Variants in BCAS3 observed in about 807,000 individuals in gnomAD.
BCAS3 encodes the protein BCAS3 microtubule associated cell migration factor, also known as BCAS4/BCAS3 fusion.
In BCAS3, 53 loss-of-function variants were observed where a neutral mutation model predicts 116.1. That is an observed-to-expected ratio of 0.46 (90% confidence interval 0.37 to 0.57). BCAS3 has a LOEUF of 0.57. Among genes scored for constraint, BCAS3 ranks in the 20% least tolerant of loss-of-function variants. The pLI, the probability that BCAS3 is intolerant of heterozygous loss-of-function variation, is 0.00. For missense variants in BCAS3, 917 were observed against 1,165.4 expected (o/e 0.79, Z 3.10); for synonymous variants, 391 against 408.2 (o/e 0.96, Z 0.51).
At chr17:61,081,755 C>T (rs2072630243) in intron 21 of BCAS3, among the ~76,000 whole-genome samples, 1 of 152,144 alleles carries the variant, frequency 6.6e-6, no homozygotes, top group African/African-American at 2.4e-5. Flanking sequence ...AATTAGAAAC[C>T]CAACTATTGA....
intron 23 of BCAS3, among the ~76,000 whole-genome samples, chr17:61,386,020 A>G (rs932535404): frequency 6.6e-5 from 10 of 152,238 alleles, no homozygotes; most frequent in African/African-American, 2.4e-4. Flanking sequence ...CCTGTGGATC[A>G]TCACAATGAC....
Position 61,346,962 on chromosome 17 carries a change from T to A in BCAS3, c.2426-21365T>A, listed in dbSNP as rs1257198662. Reference sequence around the variant, plus strand: ...CACTTGGCACCTCTTCTCATGTTGGTCTGAAATATGCCAGATCACTGACCT... The same window carrying A: ...CACTTGGCACCTCTTCTCATGTTGGACTGAAATATGCCAGATCACTGACCT... On this transcript the variant is annotated intron_variant, in intron 22 of 23. Coordinates refer to ENST00000407086, the MANE Select transcript of BCAS3 (RefSeq NM_017679.5). The surrounding 1 kb of genome is among the most constrained non-coding windows in gnomAD (Gnocchi z 5.4). Among the ~76,000 whole-genome samples, 5 of 152,228 alleles carry A rather than the reference T, an allele frequency of 3.3e-5. No individual in the cohort carries two copies. The highest frequency in any genetic ancestry group is 1.5e-5 in the Non-Finnish European group (1 of 68,044).
At chr17:60,756,526 T>C (rs1441153428) in intron 6 of BCAS3, among the ~76,000 whole-genome samples, 3 of 152,216 alleles carry the variant, frequency 2.0e-5, no homozygotes, top group Admixed American at 2.0e-4. Flanking sequence ...ACATGTGACA[T>C]CTGAATTTCT....
intron 22 of BCAS3, among the ~76,000 whole-genome samples, chr17:61,202,059 CTTTTTTT>C (rs35961240): frequency 1.4e-5 from 1 of 70,334 alleles, no homozygotes; most frequent in African/African-American, 5.3e-5. Flanking sequence ...TGCCCGGCCT[CTTTTTTT>C]TTTTTTTTTT....
Position 61,106,369 on chromosome 17 carries a change from T to G in BCAS3, c.2425+21805T>G, listed in dbSNP as rs1427328234. The stretch of plus-strand genomic sequence containing the variant: ...GTTTAGATACACAAATACTGACCAT[T>G]GTGTTACAGTTGCCTACAGTATTCG... On this transcript the variant is annotated intron_variant, in intron 22 of 23. Coordinates refer to ENST00000407086, the MANE Select transcript of BCAS3 (RefSeq NM_017679.5). This position sits in a 1 kb window ranked among gnomAD's most constrained non-coding sequence, Gnocchi z 4.2. 1.3e-5 allele frequency among the ~76,000 whole-genome samples: 2 copies of G among 152,226 alleles called. No individual in the cohort carries two copies. Among genetic ancestry groups the G allele is most frequent in the East Asian group, 3.8e-4 (2 of 5,202 alleles).
chr17:60,867,447 A>T (rs899683464), intron 7 of BCAS3, among the ~76,000 whole-genome samples: 1 of 152,092 alleles, frequency 6.6e-6, no homozygotes, highest in Non-Finnish European at 1.5e-5. Flanking sequence ...TCTTGTGTAG[A>T]TATATTATGA....
At position 61,361,391 on chromosome 17, in the gene BCAS3, C is replaced by T. The variant is rs2058444819; in HGVS notation, c.2426-6936C>T. Reference sequence around the variant, plus strand: ...AACTGTGTTAGATTGCAAAGAAATTCTTAGTCCAATTGCCATTGAACTCCT... The same window carrying T: ...AACTGTGTTAGATTGCAAAGAAATTTTTAGTCCAATTGCCATTGAACTCCT... On this transcript the variant is annotated intron_variant, in intron 22 of 23. Coordinates refer to ENST00000407086, the MANE Select transcript of BCAS3 (RefSeq NM_017679.5). This position sits in a 1 kb window ranked among gnomAD's most constrained non-coding sequence, Gnocchi z 6.5. Among the ~76,000 whole-genome samples, 1 of 152,090 alleles carries T rather than the reference C, an allele frequency of 6.6e-6. No individual in the cohort carries two copies. The highest frequency in any genetic ancestry group is 2.1e-4 in the South Asian group (1 of 4,826).
At position 61,279,778 on chromosome 17, in the gene BCAS3, A is replaced by G. The variant is rs1205997051; in HGVS notation, c.2426-88549A>G. Among the ~76,000 whole-genome samples the G allele has an allele frequency of 1.4e-5, 2 of 142,902 alleles. No individual in the cohort carries two copies. Among genetic ancestry groups the G allele is most frequent in the South Asian group, 2.2e-4 (1 of 4,494 alleles). 93.7% of individuals were successfully genotyped at this position (142,902 alleles called of 152,430 possible). A position where few individuals can be genotyped will look rare whatever the true frequency, so the allele number is the denominator to read the frequency against. On this transcript the variant is annotated intron_variant, in intron 22 of 23. Coordinates refer to ENST00000407086, the MANE Select transcript of BCAS3 (RefSeq NM_017679.5). This position sits in a 1 kb window ranked among gnomAD's most constrained non-coding sequence, Gnocchi z 4.4. Reference sequence around the variant, plus strand: ...CACTGGTCCCTCTGCTTGAGTGAAGAAAAAAAAAAAAAACTAGGCAGGTAA... The same window carrying G: ...CACTGGTCCCTCTGCTTGAGTGAAGGAAAAAAAAAAAAACTAGGCAGGTAA...
intron 14 of BCAS3, among the ~76,000 whole-genome samples, chr17:60,975,632 CATTCA>C (rs1442168861): frequency 2.0e-5 from 3 of 152,098 alleles, no homozygotes; most frequent in African/African-American, 4.8e-5. Flanking sequence ...TGATCACTAC[CATTCA>C]ATTCAAGAAC....
At chr17:60,854,852 C>T (rs1042155656) in intron 7 of BCAS3, among the ~76,000 whole-genome samples, 1 of 151,868 alleles carries the variant, frequency 6.6e-6, no homozygotes, top group African/African-American at 2.4e-5. Context: ...CAAAACCTGG[C>T]AGCAAGTTGC....
At chr17:61,135,502 A>G (rs2076575265) in intron 22 of BCAS3, among the ~76,000 whole-genome samples, 1 of 152,248 alleles carries the variant, frequency 6.6e-6, no homozygotes, top group African/African-American at 2.4e-5. Context: ...GCCAGAAGAC[A>G]GTCAGTACTT....
At chr17:61,101,043 C>T (rs2074296056) in intron 22 of BCAS3, among the ~76,000 whole-genome samples, 1 of 152,082 alleles carries the variant, frequency 6.6e-6, no homozygotes, top group Non-Finnish European at 1.5e-5. Flanking sequence ...ATCATCAGGG[C>T]ATGTATGTGA....
chr17:60,727,658 G>A (rs1330559432), intron 5 of BCAS3, among the ~76,000 whole-genome samples: 1 of 152,054 alleles, frequency 6.6e-6, no homozygotes, highest in East Asian at 1.9e-4. Context: ...TATACCTCCT[G>A]CCTCCACATC....
intron 23 of BCAS3, among the ~76,000 whole-genome samples, chr17:61,375,287 A>G (rs1439216523): frequency 6.8e-6 from 1 of 147,036 alleles, no homozygotes; most frequent in Non-Finnish European, 1.5e-5. Context: ...AAGACTGTAA[A>G]AAGTAAGCTC....
chr17:61,045,186 C>T (rs1240314073), intron 19 of BCAS3, among the ~76,000 whole-genome samples: 1 of 151,942 alleles, frequency 6.6e-6, no homozygotes, highest in Non-Finnish European at 1.5e-5. Flanking sequence ...GTACAATTTA[C>T]AAAACCTTTT....
intron 19 of BCAS3, among the ~76,000 whole-genome samples, chr17:61,067,317 T>TATATATATATATATATA (rs2070778205): frequency 2.0e-4 from 12 of 59,744 alleles, no homozygotes; most frequent in African/African-American, 3.0e-4. Flanking sequence ...ATATATATAT[T>TATATATATATATATATA]TATACAGACT....
chr17:61,341,943 G>A (rs1470911346), intron 22 of BCAS3, among the ~76,000 whole-genome samples: 1 of 152,260 alleles, frequency 6.6e-6, no homozygotes, highest in African/African-American at 2.4e-5. Flanking sequence ...ATGATAGACA[G>A]AAAAGTGATT....
chr17:61,186,170 A>G lies in BCAS3; in HGVS notation c.2425+101606A>G, dbSNP rs961231987. On this transcript the variant is annotated intron_variant, in intron 22 of 23. Transcript: ENST00000407086. This position sits in a 1 kb window ranked among gnomAD's most constrained non-coding sequence, Gnocchi z 4.9. ...ATTTAACATACGATAGCTTATTTAT[A>G]TATTCATACACATTCTATAAAATCA... Among the ~76,000 whole-genome samples, 2 of 152,082 alleles carry G rather than the reference A, an allele frequency of 1.3e-5. No homozygotes were observed. Among genetic ancestry groups the G allele is most frequent in the African/African-American group, 4.8e-5 (2 of 41,388 alleles).
intron 22 of BCAS3, among the ~76,000 whole-genome samples, chr17:61,175,234 C>T (rs1265579403): frequency 6.6e-6 from 1 of 152,120 alleles, no homozygotes; most frequent in East Asian, 1.9e-4. Flanking sequence ...TAGTGAGACC[C>T]CATCTCTGTA....
Sources: gnomAD v4.1 joint callset for allele counts (sites outside exome capture counted in the v4.1 genomes callset) on GRCh38, gnomAD v4.1.1 for gene constraint, Gnocchi (gnomAD v3.1) non-coding constraint, MANE v1.5 for transcripts, NCBI Gene and HGNC (gene_info 2026-07-23, HGNC 2026-07-21) for gene names.